C3orf18: variants seen among roughly 807,000 people sequenced by gnomAD.
C3orf18 encodes uncharacterized protein C3orf18.
Under a neutral mutation model 14.1 loss-of-function variants are expected in C3orf18, and 12 were observed. The observed-to-expected ratio is 0.85, with a 90% CI of 0.55 to 1.38. The LOEUF is 1.38. Ranked by LOEUF, C3orf18 falls within the 40% of genes most tolerant of loss-of-function variation. The pLI is 0.00. For missense variants in C3orf18, 196 were observed against 213.9 expected (o/e 0.92, Z 0.52); for synonymous variants, 82 against 87.9 (o/e 0.93, Z 0.38).
At chr3:50,571,100 G>C, upstream of C3orf18, 1 of 1,577,406 alleles carries the variant, frequency 6.3e-7, no homozygotes, top group Non-Finnish European at 8.6e-7. Context: ...ACCTTTCCCT[G>C]AGACATGGAG....
At position 50,559,143 on chromosome 3, in the gene C3orf18, C is replaced by T; in HGVS notation, c.*514G>A. ...CCTTGCATACTGGACAGTTTCAGCTCCATCTCTGGGCTTCTCAGGGCCCAT... is the reference window on the plus strand; with the variant it reads ...CCTTGCATACTGGACAGTTTCAGCTTCATCTCTGGGCTTCTCAGGGCCCAT... On this transcript the variant is annotated 3_prime_UTR_variant, in exon 6 of 6. Coordinates refer to ENST00000357203, the MANE Select transcript of C3orf18 (RefSeq NM_016210.5). 1.0e-5 allele frequency: 13 copies of T among 1,289,882 alleles called. No homozygotes were observed. Among genetic ancestry groups the T allele is most frequent in the Non-Finnish European group, 1.3e-5 (13 of 988,934 alleles). 79.9% of individuals were successfully genotyped at this position (1,289,882 alleles called of 1,614,324 possible).
chr3:50,567,914 C>A (rs1200581978), upstream of C3orf18, among the ~76,000 whole-genome samples: 1 of 152,262 alleles, frequency 6.6e-6, no homozygotes, highest in Non-Finnish European at 1.5e-5. Flanking sequence ...CCGTGGCCTG[C>A]GCCGAAGTTG....
At chr3:50,563,879 C>T (rs1035482652) in intron 3 of C3orf18, among the ~76,000 whole-genome samples, 1 of 152,254 alleles carries the variant, frequency 6.6e-6, no homozygotes, top group Non-Finnish European at 1.5e-5. Context: ...GTAACGAGGG[C>T]AGTTTCTAGG....
At chr3:50,574,253 C>A (rs551676960), upstream of C3orf18, among the ~76,000 whole-genome samples, 1 of 152,174 alleles carries the variant, frequency 6.6e-6, no homozygotes, top group Non-Finnish European at 1.5e-5. Flanking sequence ...TTAGTCTTGC[C>A]GAAAGAGCCA....
At chr3:50,572,228 A>G, upstream of C3orf18, 1 of 1,560,656 alleles carries the variant, frequency 6.4e-7, no homozygotes, top group Non-Finnish European at 8.8e-7. Flanking sequence ...CCACCAGGGC[A>G]AGGCAGGATC....
rs1275281415 is a variant in C3orf18 at position 50,564,390 on chromosome 3, G to A, written c.234+1076C>T. On this transcript the variant is annotated intron_variant, in intron 3 of 5. Transcript: ENST00000357203. ...ATCAAGAGGCATCACACTCACTACTGAAGGATACCTGCAGCCCTCTCCCCA... is the reference window on the plus strand; with the variant it reads ...ATCAAGAGGCATCACACTCACTACTAAAGGATACCTGCAGCCCTCTCCCCA... Among the ~76,000 whole-genome samples, 3 of 152,178 alleles carry A rather than the reference G, an allele frequency of 2.0e-5. No homozygotes were observed. In the East Asian group the frequency reaches 5.8e-4, roughly 29 times the overall value.
intron 5 of C3orf18, among the ~76,000 whole-genome samples, chr3:50,560,287 C>T (rs1699884816): frequency 6.6e-6 from 1 of 152,178 alleles, no homozygotes; most frequent in African/African-American, 2.4e-5. Context: ...GGTGCTCTGG[C>T]CCTTGGGGAT....
chr3:50,571,214 G>A (rs137999036), upstream of C3orf18: 80 of 1,613,794 alleles, frequency 5.0e-5, no homozygotes, highest in Middle Eastern at 3.3e-4. Flanking sequence ...CCTCTGGCTG[G>A]GTTATCCAGT....
chr3:50,568,361 G>GTTTAT (rs1304601222), upstream of C3orf18, among the ~76,000 whole-genome samples: 2 of 152,236 alleles, frequency 1.3e-5, no homozygotes, highest in South Asian at 2.1e-4. Context: ...GGGAGTCACC[G>GTTTAT]GGTAGCCTGG....
upstream of C3orf18, among the ~76,000 whole-genome samples, chr3:50,568,159 T>G (rs891359452): frequency 6.6e-6 from 1 of 152,192 alleles, no homozygotes; most frequent in Non-Finnish European, 1.5e-5. Flanking sequence ...ACGGGTCCTC[T>G]GGTGTGAGGG....
chr3:50,571,455 C>A, upstream of C3orf18: 2 of 742,468 alleles, frequency 2.7e-6, no homozygotes, highest in East Asian at 2.7e-5. Flanking sequence ...TCTGAAGGAA[C>A]GTCTTAGCGC....
At position 50,558,946 on chromosome 3, in the gene C3orf18, G is replaced by T; in HGVS notation, c.*711C>A. 7.8e-7 allele frequency: 1 copy of T among 1,287,532 alleles called. No homozygotes were observed. The highest frequency in any genetic ancestry group is 1.0e-6 in the Non-Finnish European group (1 of 987,276). 79.8% of individuals were successfully genotyped at this position (1,287,532 alleles called of 1,614,324 possible). On this transcript the variant is annotated 3_prime_UTR_variant, in exon 6 of 6. Coordinates refer to ENST00000357203, the MANE Select transcript of C3orf18 (RefSeq NM_016210.5). ...GCACATGCATGAGGCCTCTCGGCAG[G>T]TCTGGGGGGGCTGCATCCTTCCACT... is the stretch of plus-strand genomic sequence containing the variant.
upstream of C3orf18, among the ~76,000 whole-genome samples, chr3:50,572,478 C>G (rs1701113325): frequency 6.6e-6 from 1 of 152,234 alleles, no homozygotes. Flanking sequence ...TGCCCAAGTA[C>G]TTAGCCTGTT....
chr3:50,562,989 C>A (rs965654286), intron 3 of C3orf18, among the ~76,000 whole-genome samples: 1 of 152,168 alleles, frequency 6.6e-6, no homozygotes, highest in African/African-American at 2.4e-5. Flanking sequence ...CATCATCCTG[C>A]TCTTCCCTAA....
Position 50,558,952 on chromosome 3 carries a change from G to A in C3orf18, c.*705C>T. 1 of 1,287,478 alleles carries A rather than the reference G, an allele frequency of 7.8e-7. No homozygotes were observed. The highest frequency in any genetic ancestry group is 1.0e-6 in the Non-Finnish European group (1 of 987,274). The allele number at this position is 1,287,478 out of a possible 1,614,324, so 79.8% of individuals were successfully genotyped here. A position where few individuals can be genotyped will look rare whatever the true frequency, so the allele number is the denominator to read the frequency against. On this transcript the variant is annotated 3_prime_UTR_variant, in exon 6 of 6. Transcript: ENST00000357203. ...GCATGAGGCCTCTCGGCAGGTCTGGGGGGGCTGCATCCTTCCACTTCCATT... is the reference window on the plus strand; with the variant it reads ...GCATGAGGCCTCTCGGCAGGTCTGGAGGGGCTGCATCCTTCCACTTCCATT...
At chr3:50,571,581 C>G (rs367598575), upstream of C3orf18, 32 of 898,006 alleles carry the variant, frequency 3.6e-5, no homozygotes, top group African/African-American at 3.1e-4. Context: ...GATGCTGCCC[C>G]CTCTGGGCCC....
intron 3 of C3orf18, among the ~76,000 whole-genome samples, chr3:50,564,347 C>T (rs147219291): frequency 6.2e-4 from 95 of 152,336 alleles, no homozygotes; most frequent in African/African-American, 2.1e-3. Context: ...AGCCCATATC[C>T]TTAGGGACTG....
Position 50,559,335 on chromosome 3 carries a change from C to T in C3orf18, c.*322G>A, listed in dbSNP as rs1018673810. On this transcript the variant is annotated 3_prime_UTR_variant, in exon 6 of 6. Transcript: ENST00000357203. ...ATCTCCCTCATTTCCTCCACATTAGCGGGGCAGACCCTGATGTGAGGGATC... is the reference window on the plus strand; with the variant it reads ...ATCTCCCTCATTTCCTCCACATTAGTGGGGCAGACCCTGATGTGAGGGATC... 1.0e-4 allele frequency: 128 copies of T among 1,276,768 alleles called. No homozygotes were observed. The highest frequency in any genetic ancestry group is 1.1e-4 in the Non-Finnish European group (111 of 998,874). 79.1% of individuals were successfully genotyped at this position (1,276,768 alleles called of 1,614,324 possible). A position where few individuals can be genotyped will look rare whatever the true frequency, so the allele number is the denominator to read the frequency against.
upstream of C3orf18, among the ~76,000 whole-genome samples, chr3:50,568,900 A>C (rs1034008298): frequency 6.6e-6 from 1 of 152,172 alleles, no homozygotes; most frequent in Non-Finnish European, 1.5e-5. Context: ...AGGAGTTGCC[A>C]ATAGAGTCAA....
Sources: allele counts gnomAD v4.1 joint callset (sites outside exome capture counted in the v4.1 genomes callset), GRCh38; gene constraint gnomAD v4.1.1; transcripts MANE v1.5; gene names NCBI Gene and HGNC (gene_info 2026-07-23, HGNC 2026-07-21).